The following DCC variants were observed in gnomAD, a reference collection of about 807,000 sequenced individuals.
DCC encodes netrin receptor DCC.
In DCC, 58 loss-of-function variants were observed where a neutral mutation model predicts 172.5. The ratio of observed to expected loss-of-function variants is 0.34; its 90% CI spans 0.27 to 0.42. DCC has a LOEUF of 0.42. Ranked by LOEUF, DCC falls within the 10% of genes least tolerant of loss-of-function variation. DCC has a pLI of 1.00. For synonymous variants in DCC, 709 were observed against 644.5 expected, an observed-to-expected ratio of 1.10 and a Z score of -1.52; for missense variants, 1,740 against 1,791.0, an observed-to-expected ratio of 0.97 and a Z score of 0.51.
intron 2 of DCC, among the ~76,000 whole-genome samples, chr18:52,816,352 C>A (rs2038296714): frequency 6.6e-6 from 1 of 152,204 alleles, no homozygotes. Context: ...AAACATTCCT[C>A]TCTCAGCTGC....
rs529347317 is a variant in DCC, at chr18:52,841,001, G to A, written c.413-65043G>A. Reference sequence around the variant, plus strand: ...CAGGAAAATATGATACAATGACTGGGTGTGGAAGCTGATTTAGGTAGAATG... The same window carrying A: ...CAGGAAAATATGATACAATGACTGGATGTGGAAGCTGATTTAGGTAGAATG... On this transcript the variant is annotated intron_variant, in intron 2 of 28. Coordinates refer to ENST00000442544, the MANE Select transcript of DCC (RefSeq NM_005215.4). 1.1e-4 allele frequency among the ~76,000 whole-genome samples: 17 copies of A among 152,246 alleles called. No individual in the cohort carries two copies. The East Asian group carries it at 3.3e-3, about 29-fold the overall frequency.
At chr18:52,887,015 CT>C (rs2039579977) in intron 2 of DCC, among the ~76,000 whole-genome samples, 1 of 152,136 alleles carries the variant, frequency 6.6e-6, no homozygotes, top group Non-Finnish European at 1.5e-5. Flanking sequence ...TAGCAGTGCC[CT>C]CCTAGGCTCT....
intron 2 of DCC, among the ~76,000 whole-genome samples, chr18:52,898,570 T>G (rs548661165): frequency 6.6e-6 from 1 of 152,296 alleles, no homozygotes; most frequent in East Asian, 1.9e-4. Context: ...CTATGCAGTG[T>G]GTGTATGCTT....
At chr18:52,376,907 T>G (rs1181761906) in intron 1 of DCC, among the ~76,000 whole-genome samples, 1 of 152,118 alleles carries the variant, frequency 6.6e-6, no homozygotes, top group Non-Finnish European at 1.5e-5. Flanking sequence ...TAACACGAAG[T>G]CAATGCAAAG....
At chr18:52,413,152 T>C (rs568176382) in intron 1 of DCC, among the ~76,000 whole-genome samples, 1 of 151,974 alleles carries the variant, frequency 6.6e-6, no homozygotes, top group African/African-American at 2.4e-5. Flanking sequence ...TTCTCTGTTT[T>C]AAAATAATAT....
intron 1 of DCC, among the ~76,000 whole-genome samples, chr18:52,623,870 A>G (rs2034525408): frequency 6.6e-6 from 1 of 152,142 alleles, no homozygotes; most frequent in Admixed American, 6.5e-5. Flanking sequence ...AAAGCTTATC[A>G]TAATGTCAGC....
At chr18:53,440,781 C>T (rs1912226486) in intron 22 of DCC, among the ~76,000 whole-genome samples, 1 of 150,114 alleles carries the variant, frequency 6.7e-6, no homozygotes, top group Non-Finnish European at 1.5e-5. Context: ...CACCCATTAT[C>T]TTTATCCCAA....
intron 15 of DCC, among the ~76,000 whole-genome samples, chr18:53,343,498 A>T (rs2057686116): frequency 6.6e-6 from 1 of 151,766 alleles, no homozygotes. Context: ...TTCCTATATA[A>T]ATCCTGTGTG....
intron 21 of DCC, among the ~76,000 whole-genome samples, chr18:53,430,551 A>G (rs1335830382): frequency 1.3e-5 from 2 of 152,160 alleles, no homozygotes; most frequent in East Asian, 1.9e-4. Context: ...AAGATTCTCA[A>G]TCTGCCCATG....
intron 2 of DCC, among the ~76,000 whole-genome samples, chr18:52,757,816 T>C (rs1291776676): frequency 1.3e-5 from 2 of 152,108 alleles, no homozygotes; most frequent in Admixed American, 6.5e-5. Context: ...AGTACCCAAA[T>C]TGACAGGTTA....
At chr18:53,209,525 C>G (rs1047936956) in intron 11 of DCC, among the ~76,000 whole-genome samples, 25 of 152,140 alleles carry the variant, frequency 1.6e-4, no homozygotes, top group Non-Finnish European at 2.1e-4. Flanking sequence ...CCTGGGTGTA[C>G]ATTTCACACA....
chr18:53,299,544 A>C (rs1054085415), intron 12 of DCC, among the ~76,000 whole-genome samples: 10 of 152,208 alleles, frequency 6.6e-5, no homozygotes, highest in Non-Finnish European at 1.2e-4. Flanking sequence ...CCTTTTGGTC[A>C]TATGACATAG....
At chr18:52,760,145 G>A (rs2037136072) in intron 2 of DCC, among the ~76,000 whole-genome samples, 1 of 152,210 alleles carries the variant, frequency 6.6e-6, no homozygotes, top group South Asian at 2.1e-4. Context: ...CAGGGCTGGG[G>A]AAGCCTCAGG....
At chr18:52,893,153 A>T (rs908390962) in intron 2 of DCC, among the ~76,000 whole-genome samples, 2 of 152,108 alleles carry the variant, frequency 1.3e-5, no homozygotes, top group Admixed American at 1.3e-4. Context: ...AACTTGTTTC[A>T]TTTAGGCTTC....
intron 1 of DCC, among the ~76,000 whole-genome samples, chr18:52,433,268 C>CA (rs2144474852): frequency 6.6e-6 from 1 of 152,244 alleles, no homozygotes; most frequent in South Asian, 2.1e-4. Context: ...GTTTCAATTT[C>CA]AAAATCATGT....
chr18:53,240,237 T>C (rs1015111968), intron 12 of DCC, among the ~76,000 whole-genome samples: 5 of 152,060 alleles, frequency 3.3e-5, no homozygotes, highest in African/African-American at 1.2e-4. Context: ...CTTATAGACA[T>C]GCTCATATTT....
intron 1 of DCC, among the ~76,000 whole-genome samples, chr18:52,545,810 G>T (rs1038929428): frequency 2.6e-5 from 4 of 152,172 alleles, no homozygotes; most frequent in African/African-American, 9.7e-5. Context: ...CTATAAGGGA[G>T]TGTTGAATTC....
chr18:53,030,454 A>C (rs1314124246), intron 5 of DCC, among the ~76,000 whole-genome samples: 1 of 152,022 alleles, frequency 6.6e-6, no homozygotes, highest in South Asian at 2.1e-4. Context: ...TTAGTATTCT[A>C]TCTAGTATTC....
At chr18:53,460,899 A>C (rs2045550783) in intron 24 of DCC, among the ~76,000 whole-genome samples, 1 of 152,080 alleles carries the variant, frequency 6.6e-6, no homozygotes. Context: ...TCCCACCAAC[A>C]GTGTAAAAGT....
Sources: gnomAD v4.1 joint callset for allele counts (sites outside exome capture counted in the v4.1 genomes callset) on GRCh38, gnomAD v4.1.1 for gene constraint, MANE v1.5 for transcripts, NCBI Gene and HGNC (gene_info 2026-07-23, HGNC 2026-07-21) for gene names.